SVEP1: variants seen among roughly 807,000 people sequenced by gnomAD.
SVEP1 encodes the protein sushi, von Willebrand factor type A, EGF and pentraxin domain-containing protein 1.
Under a neutral mutation model 367.3 loss-of-function variants are expected in SVEP1, and 164 were observed. That is an observed-to-expected ratio of 0.45 (90% CI 0.39 to 0.51). The LOEUF is 0.51. Among genes scored for constraint, SVEP1 ranks in the 20% least tolerant of loss-of-function variants. The pLI, the probability that SVEP1 is intolerant of heterozygous loss-of-function variation, is 0.00. For missense variants in SVEP1, 4,117 were observed against 4,425.3 expected (o/e 0.93, Z 1.98); for synonymous variants, 1,666 against 1,611.6 (o/e 1.03, Z -0.81).
intron 11 of SVEP1, 147 bp downstream of exon 11, chr9:110,482,214 A>G: frequency 6.2e-6 from 5 of 811,888 alleles, no homozygotes; most frequent in Non-Finnish European, 8.8e-6. Flanking sequence ...TCAAGGAATG[A>G]CAATGGAAAA....
chr9:110,556,639 C>G (rs917031577), intron 1 of SVEP1, among the ~76,000 whole-genome samples: 1 of 152,048 alleles, frequency 6.6e-6, no homozygotes, highest in African/African-American at 2.4e-5. Flanking sequence ...GGATTACAGG[C>G]ACGTGCCACC....
rs373175698 is a variant in SVEP1, at chr9:110,471,421, T to C, written c.2941A>G (p.Thr981Ala). The C allele has an allele frequency of 3.7e-6, 6 of 1,613,888 alleles. No homozygotes were observed. Among genetic ancestry groups the C allele is most frequent in the African/African-American group, 2.7e-5 (2 of 74,924 alleles). Reference protein sequence around the residue: ...ILIADSNSLETKKASPFCRPG... With the variant: ...ILIADSNSLEAKKASPFCRPG... ...CTGCAGAAGGGGGAAGCCTTTTTTG[T>C]TTCTAATGAATTGCTGTCGGCTATA... The change falls in exon 16 of 48, where the codon ACA becomes GCA. Residue 981 changes from threonine to alanine, a missense_variant. Coordinates refer to ENST00000374469, the MANE Select transcript of SVEP1 (RefSeq NM_153366.4).
chr9:110,576,244 C>T (rs1349141689), intron 1 of SVEP1, among the ~76,000 whole-genome samples: 1 of 152,034 alleles, frequency 6.6e-6, no homozygotes, highest in Non-Finnish European at 1.5e-5. Context: ...CACACACACA[C>T]ACACACTCAC....
chr9:110,555,110 C>T (rs1167110696), intron 1 of SVEP1, among the ~76,000 whole-genome samples: 1 of 152,034 alleles, frequency 6.6e-6, no homozygotes, highest in Non-Finnish European at 1.5e-5. Flanking sequence ...CGGACACCCA[C>T]CCTAAGCTTG....
In SVEP1 at chr9:110,476,559, G is replaced by A. The variant is rs186604726; in HGVS notation, c.2488-244C>T. On this transcript the variant is annotated intron_variant, in intron 13 of 47. Transcript: ENST00000374469. ...TGTCACTCACCATGAGAAGCCCAGC[G>A]CTCCTGGAATATCTCCTGTCTCTAA... is the stretch of plus-strand genomic sequence containing the variant. Among the ~76,000 whole-genome samples the A allele has an allele frequency of 5.9e-5, 9 of 152,048 alleles. 1 individual carries two copies. The highest frequency in any genetic ancestry group is 2.1e-4 in the South Asian group (1 of 4,808).
At chr9:110,563,223 T>C (rs1449002577) in intron 1 of SVEP1, among the ~76,000 whole-genome samples, 3 of 152,198 alleles carry the variant, frequency 2.0e-5, no homozygotes, top group Non-Finnish European at 4.4e-5. Context: ...GAGGAATCTA[T>C]TATATGGAAA....
chr9:110,489,297 C>T (rs377534213), intron 9 of SVEP1, among the ~76,000 whole-genome samples: 2 of 152,228 alleles, frequency 1.3e-5, no homozygotes, highest in South Asian at 4.1e-4. Context: ...AGTCTGTTCT[C>T]ATGCTGCTAA....
intron 7 of SVEP1, 62 bp from the exon 8 acceptor site, chr9:110,496,995 G>C: frequency 9.0e-7 from 1 of 1,106,584 alleles, no homozygotes; most frequent in South Asian, 1.6e-5. Context: ...ATCATTTAAG[G>C]AAGAGGTACA....
At chr9:110,476,041 C>A (rs1485587435) in intron 14 of SVEP1, 163 bp downstream of exon 14, 2 of 518,956 alleles carry the variant, frequency 3.9e-6, no homozygotes, top group East Asian at 6.7e-5. Flanking sequence ...TTTGATATAA[C>A]CTTAATGATC....
chr9:110,379,523 G>C lies in SVEP1; in HGVS notation c.10238-6C>G. On this transcript the variant is annotated splice_polypyrimidine_tract_variant and splice_region_variant and intron_variant, in intron 43 of 47. Transcript: ENST00000374469. Reference sequence around the variant, plus strand: ...TGGTGGACCACATGAGATTTCTACAGGATAACAAAACAACAATTAAGCTTG... The same window carrying C: ...TGGTGGACCACATGAGATTTCTACACGATAACAAAACAACAATTAAGCTTG... 6.2e-7 allele frequency: 1 copy of C among 1,613,290 alleles called. No individual in the cohort carries two copies. Among genetic ancestry groups the C allele is most frequent in the Non-Finnish European group, 8.5e-7 (1 of 1,179,552 alleles).
chr9:110,428,434 A>C (rs1828290224), intron 35 of SVEP1, among the ~76,000 whole-genome samples: 1 of 151,114 alleles, frequency 6.6e-6, no homozygotes, highest in Non-Finnish European at 1.5e-5. Flanking sequence ...ACACACCATT[A>C]ATCTCCTACA....
In SVEP1 at chr9:110,451,330, C is replaced by A. The variant is rs375072135; in HGVS notation, c.3860G>T (p.Gly1287Val). ...ACATGTGCAACGATAGCCAGCCACA[C>A]CATCAACACAGATTCCTTTATTTAA... ...PCLNKGICVD[G>V]VAGYRCTCVK... Residue 1287 changes from glycine (G) to valine (V), a missense_variant, in exon 23 of 48, where the codon GGT becomes GTT. Gly to Val is a moderately radical substitution (Grantham distance 109, BLOSUM62 -3). Around this residue, in one of 4 missense-constraint regions of SVEP1, gnomAD observed 2,174 missense variants for 2,494.3 expected, o/e 0.87. Coordinates refer to ENST00000374469, the MANE Select transcript of SVEP1 (RefSeq NM_153366.4). 4 of 1,613,794 alleles carry A rather than the reference C, an allele frequency of 2.5e-6. No individual in the cohort carries two copies. The East Asian group carries it at 6.7e-5, about 27-fold the overall frequency.
At chr9:110,572,870 G>A (rs565326343) in intron 1 of SVEP1, among the ~76,000 whole-genome samples, 16 of 148,694 alleles carry the variant, frequency 1.1e-4, no homozygotes, top group Admixed American at 2.7e-4. Flanking sequence ...ATTGTTGTAC[G>A]TACTGAGGAT....
intron 18 of SVEP1, among the ~76,000 whole-genome samples, chr9:110,463,499 C>T (rs1289037139): frequency 6.8e-6 from 1 of 146,246 alleles, no homozygotes; most frequent in African/African-American, 2.5e-5. Flanking sequence ...TAAAACAGTA[C>T]ACTATAAAAA....
intron 44 of SVEP1, 137 bp from the exon 45 acceptor site, chr9:110,377,503 G>A (rs2077800): frequency 0.83 from 574,997 of 695,440 alleles, 239,440 homozygotes; most frequent in African/African-American, 0.96. Context: ...TCGAATCTCA[G>A]GAGGGAATTT....
Position 110,411,525 on chromosome 9 carries a change from A to T in SVEP1, c.6186T>A (p.Asn2062Lys). ...SLADNSQLLC[N>K]AQGKWVPPEG... ...CTGGGGGTACCCACTTGCCCTGGGC[A>T]TTGCAGAGAAGCTGGGAATTGTCTG... The change falls in exon 37 of 48, where the codon AAT (asparagine) becomes AAA (lysine). Residue 2062 changes from asparagine to lysine, a missense_variant. By Grantham distance (94) the Asn-to-Lys change is moderately conservative. This residue lies in a region of SVEP1 where 2,174 missense variants were observed against 2,494.3 expected (regional missense o/e 0.87). Coordinates refer to ENST00000374469, the MANE Select transcript of SVEP1 (RefSeq NM_153366.4). 1 of 1,614,020 alleles carries T rather than the reference A, an allele frequency of 6.2e-7. No homozygotes were observed. The highest frequency in any genetic ancestry group is 8.5e-7 in the Non-Finnish European group (1 of 1,179,898).
chr9:110,368,711 AT>A (rs1350692303), intron 47 of SVEP1, among the ~76,000 whole-genome samples: 1 of 151,824 alleles, frequency 6.6e-6, no homozygotes, highest in Non-Finnish European at 1.5e-5. Flanking sequence ...TTTGGCTCTC[AT>A]TTTCTTAAAT....
chr9:110,430,587 G>A (rs1243284225), intron 32 of SVEP1, 137 bp from the exon 33 acceptor site: 2 of 824,544 alleles, frequency 2.4e-6, no homozygotes, highest in Non-Finnish European at 1.9e-6. Context: ...AAATGCATGA[G>A]GGCCCAGAGA....
chr9:110,471,579 T>C lies in SVEP1; in HGVS notation c.2783A>G (p.Asp928Gly), dbSNP rs781627720. 3 of 1,613,648 alleles carry C rather than the reference T, an allele frequency of 1.9e-6. No individual in the cohort carries two copies. The highest frequency in any genetic ancestry group is 2.5e-6 in the Non-Finnish European group (3 of 1,179,700). ...CCATTCAAGGGTATCATTTCTTTCA[T>C]CGGGTAATGGCACACTAGCTGAGAT... is the stretch of plus-strand genomic sequence containing the variant. ...FNITASVPLPDERNDTLEWEN... is the reference protein window; with the variant it reads ...FNITASVPLPGERNDTLEWEN... The change falls in exon 16 of 48, where the codon GAT (aspartate) becomes GGT (glycine). Residue 928 changes from aspartate to glycine, a missense_variant. Transcript: ENST00000374469.
Sources: gnomAD v4.1 joint callset for allele counts (sites outside exome capture counted in the v4.1 genomes callset) on GRCh38, gnomAD v4.1.1 for gene constraint, gnomAD v4.1.1 regional missense constraint, MANE v1.5 for transcripts, NCBI Gene and HGNC (gene_info 2026-07-23, HGNC 2026-07-21) for gene names.